ATG7: variants seen among roughly 807,000 people sequenced by gnomAD.
The protein encoded by ATG7 is ubiquitin-like modifier-activating enzyme ATG7.
A neutral mutation model predicts 82.4 loss-of-function variants in ATG7; 70 were observed. That is an observed-to-expected ratio of 0.85 (90% CI 0.70 to 1.04). The LOEUF (loss-of-function observed/expected upper bound fraction) is 1.04. ATG7 is among the 50% of genes least tolerant of loss of function. The probability of loss-of-function intolerance (pLI) is 0.00; values close to 1 mark genes in which losing one functional copy is unlikely to be tolerated. For synonymous variants in ATG7, 287 were observed against 313.0 expected (o/e 0.92, Z 0.88); for missense variants, 792 against 864.3 (o/e 0.92, Z 1.05).
chr3:11,365,270 ACC>A (rs2076525171), intron 18 of ATG7, among the ~76,000 whole-genome samples: 1 of 152,172 alleles, frequency 6.6e-6, no homozygotes, highest in Non-Finnish European at 1.5e-5. Flanking sequence ...TTGACTCTGA[ACC>A]CAAATAGAAA....
Position 11,347,923 on chromosome 3 carries a change from C to T in ATG7, c.1172C>T (p.Ser391Phe), listed in dbSNP as rs1222112266. 2 of 1,614,054 alleles carry T rather than the reference C, an allele frequency of 1.2e-6. No homozygotes were observed. The highest frequency in any genetic ancestry group is 2.2e-5 in the East Asian group (1 of 44,900). ...ACATTTGTGGACAATGCCAAGATCT[C>T]CTACTCCAATCCTGTGAGGCAGCCT... ...HITFVDNAKISYSNPVRQPLY... is the reference protein window; with the variant it reads ...HITFVDNAKIFYSNPVRQPLY... Residue 391 changes from serine to phenylalanine, a missense_variant, in exon 14 of 21, where the codon TCC becomes TTC. Coordinates refer to ENST00000693202, the MANE Select transcript of ATG7 (RefSeq NM_001349232.2).
intron 3 of ATG7, among the ~76,000 whole-genome samples, chr3:11,285,821 GATACCTTCTATTT>G (rs1943901983): frequency 1.3e-5 from 2 of 152,136 alleles, no homozygotes; most frequent in Admixed American, 6.5e-5. Context: ...GAATAAGACA[GATACCTTCTATTT>G]ATCCATCTCC....
chr3:11,368,270 A>G (rs2076763913), intron 18 of ATG7, among the ~76,000 whole-genome samples: 1 of 150,726 alleles, frequency 6.6e-6, no homozygotes, highest in Admixed American at 6.6e-5. Flanking sequence ...AAGAAGAAGG[A>G]AAGAAACACT....
In ATG7 at chr3:11,407,773, C is replaced by T. The variant is rs117469272; in HGVS notation, c.1957-19031C>T. Reference sequence around the variant, plus strand: ...ACTCTGTGTTGGCCCCTTTCAGCCACAGCTGGAGTGTCTGGGATGCAGGGC... The same window carrying T: ...ACTCTGTGTTGGCCCCTTTCAGCCATAGCTGGAGTGTCTGGGATGCAGGGC... On this transcript the variant is annotated intron_variant, in intron 19 of 20. Coordinates refer to ENST00000693202, the MANE Select transcript of ATG7 (RefSeq NM_001349232.2). 2.4e-3 allele frequency among the ~76,000 whole-genome samples: 372 copies of T among 152,332 alleles called. 8 individuals are homozygous for T. In the East Asian group the frequency reaches 0.057, roughly 24 times the overall value.
intron 4 of ATG7, 57 bp downstream of exon 4, chr3:11,298,912 G>A: frequency 6.3e-7 from 1 of 1,577,412 alleles, no homozygotes; most frequent in Non-Finnish European, 8.7e-7. Context: ...CGGTCCTCCA[G>A]TATAGTGTCA....
chr3:11,490,926 T>A (rs539925982), intron 20 of ATG7, among the ~76,000 whole-genome samples: 1 of 152,148 alleles, frequency 6.6e-6, no homozygotes, highest in Admixed American at 6.5e-5. Flanking sequence ...ATTTCAACTT[T>A]GGTGAATCTG....
chr3:11,301,557 A>C (rs774417950), intron 5 of ATG7, among the ~76,000 whole-genome samples: 1 of 152,224 alleles, frequency 6.6e-6, no homozygotes, highest in African/African-American at 2.4e-5. Context: ...TTGTATCTTT[A>C]AAAATGTATG....
At chr3:11,416,130 C>T (rs926985469) in intron 19 of ATG7, among the ~76,000 whole-genome samples, 5 of 152,178 alleles carry the variant, frequency 3.3e-5, no homozygotes, top group African/African-American at 9.7e-5. Context: ...TTTTAAGATT[C>T]TTACATCTAT....
At chr3:11,365,842 G>T (rs538339371) in intron 18 of ATG7, among the ~76,000 whole-genome samples, 1 of 152,196 alleles carries the variant, frequency 6.6e-6, no homozygotes, top group Non-Finnish European at 1.5e-5. Flanking sequence ...CAAAGGTCTT[G>T]TGAGTTGAAA....
chr3:11,417,573 T>C (rs2081475846), intron 19 of ATG7, among the ~76,000 whole-genome samples: 1 of 152,072 alleles, frequency 6.6e-6, no homozygotes, highest in African/African-American at 2.4e-5. Context: ...AAATTGATTT[T>C]CTTTTAGATA....
At chr3:11,571,431 C>T in the ATG7 span, among the ~76,000 whole-genome samples, 2 of 152,336 alleles carry the variant, frequency 1.3e-5, no homozygotes, top group East Asian at 3.9e-4. Context: ...CGCCTGTAAT[C>T]CCAGCACTTT....
intron 20 of ATG7, among the ~76,000 whole-genome samples, chr3:11,441,045 A>G (rs2083899377): frequency 6.6e-6 from 1 of 152,054 alleles, no homozygotes; most frequent in African/African-American, 2.4e-5. Context: ...AAATATTTAT[A>G]TCTTATTGTT....
At chr3:11,300,846 A>G (rs1349211255) in intron 5 of ATG7, among the ~76,000 whole-genome samples, 1 of 152,118 alleles carries the variant, frequency 6.6e-6, no homozygotes, top group Non-Finnish European at 1.5e-5. Context: ...ATTTTGCCCA[A>G]CTCTAGGCTA....
intron 20 of ATG7, among the ~76,000 whole-genome samples, chr3:11,514,181 T>G (rs1054592408): frequency 2.6e-5 from 4 of 152,146 alleles, no homozygotes; most frequent in African/African-American, 9.7e-5. Flanking sequence ...CTCAAAAAGA[T>G]GAAGTAAGTG....
In ATG7 at chr3:11,554,766, G is replaced by A. The variant is rs368187179; in HGVS notation, c.2080-45G>A. 564 of 1,609,500 alleles carry A rather than the reference G, an allele frequency of 3.5e-4. No individual in the cohort carries two copies. Among genetic ancestry groups the A allele is most frequent in the Middle Eastern group, 5.0e-4 (3 of 6,058 alleles). The stretch of plus-strand genomic sequence containing the variant: ...TTGAAGCATCTGTGTGCCCCCCACC[G>A]GGCAGTGGGACATCTCGGCTGAGCC... On this transcript the variant is annotated intron_variant, in intron 20 of 20. Coordinates refer to ENST00000693202, the MANE Select transcript of ATG7 (RefSeq NM_001349232.2).
At chr3:11,525,556 C>CT (rs58430409) in intron 20 of ATG7, among the ~76,000 whole-genome samples, 37,305 of 123,650 alleles carry the variant, frequency 0.3, 6,650 homozygotes, top group Non-Finnish European at 0.42. Flanking sequence ...TAGTTATAGC[C>CT]TTTTTTTTTT....
the ATG7 span, chr3:11,568,691 C>T: frequency 4.5e-6 from 7 of 1,551,160 alleles, no homozygotes; most frequent in Admixed American, 9.8e-5. The surrounding 1 kb of genome is among the most constrained non-coding windows in gnomAD (Gnocchi z 5.9). Context: ...CACCTCCCGG[C>T]CACTGCTTCC....
At chr3:11,492,548 T>C (rs974088171) in intron 20 of ATG7, among the ~76,000 whole-genome samples, 1 of 152,162 alleles carries the variant, frequency 6.6e-6, no homozygotes, top group African/African-American at 2.4e-5. Context: ...GTTCCCTGTT[T>C]ACTCAGTCCG....
chr3:11,564,842 C>T, the ATG7 span: 6 of 1,601,184 alleles, frequency 3.7e-6, no homozygotes, highest in South Asian at 1.1e-5. Flanking sequence ...GGCCGGCTGG[C>T]CTGCTGGCGT....
Sources: gnomAD v4.1 joint callset for allele counts (sites outside exome capture counted in the v4.1 genomes callset) on GRCh38, gnomAD v4.1.1 for gene constraint, Gnocchi (gnomAD v3.1) non-coding constraint, MANE v1.5 for transcripts, NCBI Gene and HGNC (gene_info 2026-07-23, HGNC 2026-07-21) for gene names.